Variants in GLRA3 observed in about 807,000 individuals in gnomAD.
GLRA3 encodes glycine receptor alpha 3.
Under a neutral mutation model 60.4 loss-of-function variants are expected in GLRA3, and 44 were observed. That is an observed-to-expected ratio of 0.73 (90% CI 0.57 to 0.94). The LOEUF (loss-of-function observed/expected upper bound fraction) is 0.94, where lower values mean the gene tolerates loss of function less well. Ranked by LOEUF, GLRA3 falls within the 40% of genes least tolerant of loss-of-function variation. The pLI is 0.00. For missense variants in GLRA3, 508 were observed against 564.6 expected, an observed-to-expected ratio of 0.90 and a Z score of 1.02; for synonymous variants, 223 against 192.9, an observed-to-expected ratio of 1.16 and a Z score of -1.29.
chr4:174,674,172 C>T (rs1734015841), intron 7 of GLRA3, among the ~76,000 whole-genome samples: 1 of 152,040 alleles, frequency 6.6e-6, no homozygotes, highest in Non-Finnish European at 1.5e-5. Flanking sequence ...TAAAATTCAT[C>T]AGTGGCCCAT....
chr4:174,764,849 GA>G (rs1448663152), intron 3 of GLRA3, among the ~76,000 whole-genome samples: 3 of 151,982 alleles, frequency 2.0e-5, no homozygotes, highest in Non-Finnish European at 4.4e-5. Flanking sequence ...TATTTTAGCT[GA>G]TACCATTAAA....
chr4:174,726,523 C>A lies in GLRA3; in HGVS notation c.491+1952G>T, dbSNP rs940341981. On this transcript the variant is annotated intron_variant, in intron 4 of 9. Coordinates refer to ENST00000274093, the MANE Select transcript of GLRA3 (RefSeq NM_006529.4). Reference sequence around the variant, plus strand: ...TAACCTCTAGGGAATATTAGATTTGCTAGAGAAATTAGGCTTTTGTTGGGA... The same window carrying A: ...TAACCTCTAGGGAATATTAGATTTGATAGAGAAATTAGGCTTTTGTTGGGA... Among the ~76,000 whole-genome samples, 7 of 152,264 alleles carry A rather than the reference C, an allele frequency of 4.6e-5. No homozygotes were observed. In the East Asian group the frequency reaches 1.4e-3, roughly 29 times the overall value.
intron 5 of GLRA3, 41 bp from the exon 6 acceptor site, chr4:174,682,980 G>A (rs763867180): frequency 2.0e-6 from 3 of 1,528,036 alleles, no homozygotes; most frequent in South Asian, 2.3e-5. Context: ...TCTAAAAAGG[G>A]CATTCAAAGA....
At chr4:174,790,552 A>G (rs1351748564) in intron 1 of GLRA3, among the ~76,000 whole-genome samples, 1 of 151,984 alleles carries the variant, frequency 6.6e-6, no homozygotes, top group Non-Finnish European at 1.5e-5. Flanking sequence ...CTGCTTTTAA[A>G]CCATTCTCTT....
intron 3 of GLRA3, among the ~76,000 whole-genome samples, chr4:174,739,570 G>A (rs1200724823): frequency 6.6e-6 from 1 of 152,076 alleles, no homozygotes; most frequent in African/African-American, 2.4e-5. Context: ...TTATCTCAAA[G>A]AATCTTGATT....
At position 174,639,493 on chromosome 4, in the gene GLRA3, G is replaced by T. The variant is rs946573184; in HGVS notation, c.*4293C>A. 1 of 151,812 alleles carries T rather than the reference G, an allele frequency of 6.6e-6. No individual in the cohort carries two copies. The highest frequency in any genetic ancestry group is 1.5e-5 in the Non-Finnish European group (1 of 67,906). The allele number at this position is 151,812 out of a possible 1,614,324, so 9.4% of individuals were successfully genotyped here. A position where few individuals can be genotyped will look rare whatever the true frequency, so the allele number is the denominator to read the frequency against. On this transcript the variant is annotated 3_prime_UTR_variant, in exon 10 of 10. Coordinates refer to ENST00000274093, the MANE Select transcript of GLRA3 (RefSeq NM_006529.4). ...GTAGACCAAAAAAACAGGTAAGTGG[G>T]TCCTAGCTACTAACTTGGGATTATA...
At chr4:174,710,639 C>G (rs1279655389) in intron 5 of GLRA3, among the ~76,000 whole-genome samples, 2 of 152,028 alleles carry the variant, frequency 1.3e-5, no homozygotes, top group African/African-American at 4.8e-5. Context: ...TTCTTGTTTT[C>G]AAATAAAGGT....
intron 3 of GLRA3, among the ~76,000 whole-genome samples, chr4:174,745,167 A>C (rs543306835): frequency 6.6e-6 from 1 of 152,322 alleles, no homozygotes; most frequent in South Asian, 2.1e-4. Flanking sequence ...GCAACCAAAC[A>C]TACAAATTAT....
intron 1 of GLRA3, among the ~76,000 whole-genome samples, chr4:174,819,982 T>C (rs994458272): frequency 2.6e-5 from 4 of 152,226 alleles, no homozygotes. Flanking sequence ...ACCTCATATA[T>C]GAAATAGCAA....
At chr4:174,703,310 T>C (rs1735394670) in intron 5 of GLRA3, among the ~76,000 whole-genome samples, 1 of 152,146 alleles carries the variant, frequency 6.6e-6, no homozygotes, top group Admixed American at 6.5e-5. Flanking sequence ...AGTGGAGCCA[T>C]TGCCTTCATG....
chr4:174,776,769 T>C (rs1325453394), intron 2 of GLRA3, among the ~76,000 whole-genome samples: 2 of 152,130 alleles, frequency 1.3e-5, no homozygotes. Context: ...GTTACTATTG[T>C]CATAAATAAA....
intron 5 of GLRA3, among the ~76,000 whole-genome samples, chr4:174,705,987 T>C (rs1172729896): frequency 6.6e-6 from 1 of 152,046 alleles, no homozygotes; most frequent in East Asian, 1.9e-4. Flanking sequence ...TTATCACACT[T>C]TGGGAGGCCA....
Position 174,725,229 on chromosome 4 carries a change from G to A in GLRA3, c.491+3246C>T, listed in dbSNP as rs1263713128. ...TATTCATCTCTGTTGCTCAGATTGG[G>A]TAATTTTTGTTATTCTGTTTTATGG... is the stretch of plus-strand genomic sequence containing the variant. On this transcript the variant is annotated intron_variant, in intron 4 of 9. Transcript: ENST00000274093. 3.3e-5 allele frequency among the ~76,000 whole-genome samples: 5 copies of A among 152,228 alleles called. No individual in the cohort carries two copies. The East Asian group carries it at 7.7e-4, about 24-fold the overall frequency.
At chr4:174,814,989 C>A (rs1740424529) in intron 1 of GLRA3, among the ~76,000 whole-genome samples, 1 of 152,200 alleles carries the variant, frequency 6.6e-6, no homozygotes, top group African/African-American at 2.4e-5. Context: ...TCATAAGTGA[C>A]AAGGCATGTC....
At chr4:174,664,005 G>C (rs935792035) in intron 7 of GLRA3, among the ~76,000 whole-genome samples, 5 of 152,162 alleles carry the variant, frequency 3.3e-5, no homozygotes, top group Middle Eastern at 3.2e-3. Context: ...AGGTGCACTG[G>C]TCAGGGGACC....
intron 9 of GLRA3, among the ~76,000 whole-genome samples, chr4:174,655,955 A>T (rs577236939): frequency 6.6e-6 from 1 of 152,234 alleles, no homozygotes; most frequent in East Asian, 1.9e-4. Context: ...TGTACAATAG[A>T]ATCATCTGGA....
intron 1 of GLRA3, among the ~76,000 whole-genome samples, chr4:174,797,615 A>C (rs1344851997): frequency 1.3e-5 from 2 of 152,148 alleles, no homozygotes; most frequent in Non-Finnish European, 2.9e-5. Context: ...CAGAACATCA[A>C]AATCTAACAA....
At chr4:174,650,361 C>T (rs1732982953) in intron 9 of GLRA3, among the ~76,000 whole-genome samples, 1 of 152,132 alleles carries the variant, frequency 6.6e-6, no homozygotes, top group African/African-American at 2.4e-5. Context: ...GCTGGTCCCT[C>T]TGAGGTCTTA....
chr4:174,791,126 G>A (rs1739331030), intron 1 of GLRA3, among the ~76,000 whole-genome samples: 1 of 151,732 alleles, frequency 6.6e-6, no homozygotes, highest in Admixed American at 6.6e-5. Flanking sequence ...CAACATGTAA[G>A]GATATATGTA....
Sources: gnomAD v4.1 joint callset for allele counts (sites outside exome capture counted in the v4.1 genomes callset) on GRCh38, gnomAD v4.1.1 for gene constraint, MANE v1.5 for transcripts, NCBI Gene and HGNC (gene_info 2026-07-23, HGNC 2026-07-21) for gene names.